The following INTS14 variants were observed in gnomAD, a reference collection of about 807,000 sequenced individuals.
INTS14 encodes UPF0464 protein C15orf44.
A neutral mutation model predicts 56.9 loss-of-function variants in INTS14; 27 were observed. The observed-to-expected ratio is 0.47, with a 90% CI of 0.35 to 0.65. The LOEUF (loss-of-function observed/expected upper bound fraction) is 0.65. Among genes scored for constraint, INTS14 ranks in the 30% least tolerant of loss-of-function variants. The pLI is 0.00. For synonymous variants in INTS14, 207 were observed against 236.2 expected (o/e 0.88, Z 1.13); for missense variants, 517 against 632.2 (o/e 0.82, Z 1.95).
rs1239068154 is a variant in INTS14 at position 65,579,147 on chromosome 15, A to C, written c.*261T>G. Reference sequence around the variant, plus strand: ...TGCTCATCAGTCATTCAAGCTTCTCAGGAAATGTGCCCATCATGGGAACAG... The same window carrying C: ...TGCTCATCAGTCATTCAAGCTTCTCCGGAAATGTGCCCATCATGGGAACAG... On this transcript the variant is annotated 3_prime_UTR_variant, in exon 12 of 12. Transcript: ENST00000313182. The C allele has an allele frequency of 1.4e-5, 6 of 414,586 alleles. No homozygotes were observed. The highest frequency in any genetic ancestry group is 2.2e-5 in the Non-Finnish European group (5 of 232,062). 25.7% of individuals were successfully genotyped at this position (414,586 alleles called of 1,614,324 possible). A position where few individuals can be genotyped will look rare whatever the true frequency, so the allele number is the denominator to read the frequency against.
At chr15:65,607,096 A>G (rs1377537422) in intron 2 of INTS14, 63 bp downstream of exon 2, 1 of 1,573,384 alleles carries the variant, frequency 6.4e-7, no homozygotes, top group African/African-American at 1.4e-5. Context: ...AACGCATTAT[A>G]ACACTGTTTT....
intron 9 of INTS14, among the ~76,000 whole-genome samples, chr15:65,588,767 T>C (rs2072920620): frequency 6.6e-6 from 1 of 152,164 alleles, no homozygotes. Flanking sequence ...TAGGAGGGAT[T>C]GGTACAAACA....
rs796632616 is a variant in INTS14 at position 65,607,460 on chromosome 15, G to A, written c.-62-18C>T. 1.9e-6 allele frequency: 3 copies of A among 1,567,244 alleles called. No homozygotes were observed. The highest frequency in any genetic ancestry group is 1.9e-5 in the Admixed American group (1 of 53,362). ...AAGAAATGCTGCAGAAAATAAATAC[G>A]TTCTTACATGTCATGGAGAGAAAAT... On this transcript the variant is annotated intron_variant, in intron 1 of 11. Transcript: ENST00000313182.
rs1566936911 is a variant in INTS14, at chr15:65,610,771, T to C, written c.-63+327A>G. 5 of 1,535,648 alleles carry C rather than the reference T, an allele frequency of 3.3e-6. No homozygotes were observed. In the Admixed American group the frequency reaches 7.8e-5, roughly 24 times the overall value. ...CATCTCTAAAAGTCCAGACTGAAAA[T>C]CACATCTGGGAGATGTATTTTTACC... On this transcript the variant is annotated intron_variant, in intron 1 of 11. Coordinates refer to ENST00000313182, the MANE Select transcript of INTS14 (RefSeq NM_001394796.1).
At chr15:65,600,043 C>G in intron 3 of INTS14, 114 bp from the exon 4 acceptor site, 2 of 1,191,782 alleles carry the variant, frequency 1.7e-6, no homozygotes, top group Non-Finnish European at 1.1e-6. Context: ...TATGGTGGCT[C>G]AAGCCTGTAA....
At chr15:65,611,064 A>C in intron 1 of INTS14, 34 bp downstream of exon 1, 1 of 1,535,558 alleles carries the variant, frequency 6.5e-7, no homozygotes, top group Non-Finnish European at 8.7e-7. Context: ...CAAGCAGCGA[A>C]AGGCAGTCCC....
chr15:65,593,362 C>A, intron 8 of INTS14, 66 bp downstream of exon 8: 1 of 1,547,014 alleles, frequency 6.5e-7, no homozygotes, highest in South Asian at 1.3e-5. Flanking sequence ...GAAAAGTCTG[C>A]AAAATACTTC....
chr15:65,579,530 G>C lies in INTS14; in HGVS notation c.1435C>G (p.Leu479Val). The C allele has an allele frequency of 6.2e-7, 1 of 1,614,214 alleles. No homozygotes were observed. The highest frequency in any genetic ancestry group is 8.5e-7 in the Non-Finnish European group (1 of 1,180,034). Reference sequence around the variant, plus strand: ...TTGAGCTGCTGGGCAGCATGGGTCAGCTGGAATGCAGCATCAGGGTGGGCT... The same window carrying C: ...TTGAGCTGCTGGGCAGCATGGGTCACCTGGAATGCAGCATCAGGGTGGGCT... ...ETAHPDAAFQ[L>V]THAAQQLKLA... The change falls in exon 12 of 12, where the codon CTG becomes GTG. Residue 479 changes from leucine to valine, a missense_variant. Transcript: ENST00000313182.
intron 9 of INTS14, among the ~76,000 whole-genome samples, chr15:65,585,176 A>AAT (rs138777134): frequency 1.6e-3 from 244 of 150,776 alleles, no homozygotes; most frequent in Middle Eastern, 6.8e-3. Context: ...ATATTTAAAA[A>AAT]ATATATATAT....
intron 1 of INTS14, among the ~76,000 whole-genome samples, chr15:65,610,518 G>A (rs1175332548): frequency 1.5e-5 from 2 of 136,528 alleles, no homozygotes; most frequent in Non-Finnish European, 3.0e-5. Flanking sequence ...CTCAGGAACA[G>A]TCTGAGAAAT....
chr15:65,607,099 ACT>A, intron 2 of INTS14, 58 bp downstream of exon 2: 1 of 1,579,282 alleles, frequency 6.3e-7, no homozygotes. Flanking sequence ...GCATTATAAC[ACT>A]GTTTTCCTCC....
At chr15:65,602,049 A>G (rs1392468094) in intron 3 of INTS14, among the ~76,000 whole-genome samples, 5 of 151,986 alleles carry the variant, frequency 3.3e-5, no homozygotes, top group Non-Finnish European at 7.4e-5. Context: ...AACCTTGTCT[A>G]CTAAAAATAC....
intron 10 of INTS14, among the ~76,000 whole-genome samples, chr15:65,582,952 T>C (rs2072679199): frequency 6.6e-6 from 1 of 152,162 alleles, no homozygotes; most frequent in Non-Finnish European, 1.5e-5. Context: ...TGCACATTAT[T>C]GGTCATCAAG....
rs2073839869 is a variant in INTS14 at position 65,610,149 on chromosome 15, CA to C, written c.-63+948del. The stretch of plus-strand genomic sequence containing the variant: ...CTGAGGCGGGCAGATCACCCGAGGT[CA>C]GGAGTTCGAGACCAGTCTGACCAAC... On this transcript the variant is annotated intron_variant, in intron 1 of 11. Coordinates refer to ENST00000313182, the MANE Select transcript of INTS14 (RefSeq NM_001394796.1). Among the ~76,000 whole-genome samples, 3 of 152,012 alleles carry C rather than the reference CA, an allele frequency of 2.0e-5. No homozygotes were observed. The South Asian group carries it at 6.2e-4, about 32-fold the overall frequency.
intron 10 of INTS14, 51 bp from the exon 11 acceptor site, chr15:65,582,070 G>A (rs2072644787): frequency 6.8e-7 from 1 of 1,465,100 alleles, no homozygotes; most frequent in Non-Finnish European, 9.3e-7. Flanking sequence ...TGGTAAAAAA[G>A]GGAAATAATA....
chr15:65,589,697 C>CG (rs1320628839), intron 9 of INTS14, among the ~76,000 whole-genome samples: 3 of 152,146 alleles, frequency 2.0e-5, no homozygotes, highest in East Asian at 3.9e-4. Flanking sequence ...TCTATGAGCT[C>CG]ATTTTTTTTC....
intron 2 of INTS14, 123 bp downstream of exon 2, chr15:65,607,035 CA>C: frequency 8.4e-7 from 1 of 1,193,582 alleles, no homozygotes; most frequent in South Asian, 1.6e-5. Flanking sequence ...TTTAGTTACA[CA>C]TATTAAGTAC....
intron 3 of INTS14, among the ~76,000 whole-genome samples, chr15:65,601,023 C>G (rs2073414665): frequency 1.3e-5 from 2 of 152,144 alleles, no homozygotes; most frequent in African/African-American, 4.8e-5. Flanking sequence ...AGTACCAGCA[C>G]AGTAGTCTGA....
chr15:65,601,026 T>C (rs924031807), intron 3 of INTS14, among the ~76,000 whole-genome samples: 3 of 152,218 alleles, frequency 2.0e-5, no homozygotes, highest in Non-Finnish European at 2.9e-5. Flanking sequence ...ACCAGCACAG[T>C]AGTCTGAACT....
Sources: allele counts gnomAD v4.1 joint callset (sites outside exome capture counted in the v4.1 genomes callset), GRCh38; gene constraint gnomAD v4.1.1; transcripts MANE v1.5; gene names NCBI Gene and HGNC (gene_info 2026-07-23, HGNC 2026-07-21).